Variants in MESD observed in about 807,000 individuals in gnomAD.
The protein encoded by MESD is LRP chaperone MESD.
A neutral mutation model predicts 12.9 loss-of-function variants in MESD; 7 were observed. That is an observed-to-expected ratio of 0.54 (90% CI 0.31 to 1.02). The LOEUF (loss-of-function observed/expected upper bound fraction) is 1.02, where lower values mean the gene tolerates loss of function less well. MESD is among the 50% of genes least tolerant of loss of function. The pLI, the probability that MESD is intolerant of heterozygous loss-of-function variation, is 0.05. For synonymous variants in MESD, 126 were observed against 115.6 expected (o/e 1.09, Z -0.58); for missense variants, 342 against 296.7 (o/e 1.15, Z -1.12).
rs1458016428 is a variant in MESD, at chr15:80,978,598, C to T, written c.*621G>A. 2 of 152,260 alleles carry T rather than the reference C, an allele frequency of 1.3e-5. No homozygotes were observed. Among genetic ancestry groups the T allele is most frequent in the African/African-American group, 4.8e-5 (2 of 41,406 alleles). The allele number at this position is 152,260 out of a possible 1,614,324, so 9.4% of individuals were successfully genotyped here. A position where few individuals can be genotyped will look rare whatever the true frequency, so the allele number is the denominator to read the frequency against. On this transcript the variant is annotated 3_prime_UTR_variant, in exon 3 of 3. Transcript: ENST00000261758. ...TACAGACCACATAAAACCTGACAGA[C>T]ACCAAGAGTTCTCTTACTGATGAGT...
At chr15:80,955,487 C>CAAA (rs1169755665) in intron 3 of MESD, among the ~76,000 whole-genome samples, 10 of 45,630 alleles carry the variant, frequency 2.2e-4, no homozygotes, top group Middle Eastern at 0.012. Flanking sequence ...GACTCCGTCT[C>CAAA]AAAAAAAAAA....
intron 1 of MESD, among the ~76,000 whole-genome samples, chr15:80,987,966 A>G (rs1567127913): frequency 6.6e-6 from 1 of 152,240 alleles, no homozygotes; most frequent in East Asian, 1.9e-4. Flanking sequence ...TCTATAAAAA[A>G]TAATTTAAAA....
At chr15:80,956,596 G>C (rs1482872829) in intron 3 of MESD, among the ~76,000 whole-genome samples, 2 of 152,140 alleles carry the variant, frequency 1.3e-5, no homozygotes, top group Non-Finnish European at 2.9e-5. Context: ...GGAAAAAAAA[G>C]CCAGCAGCCA....
chr15:80,946,842 C>A, downstream of MESD: 1 of 725,004 alleles, frequency 1.4e-6, no homozygotes. Flanking sequence ...TTCCCGAATC[C>A]CTGGACAGGC....
Position 80,947,356 on chromosome 15 carries a change from A to G in MESD, c.*2169T>C, listed in dbSNP as rs548647902. The G allele has an allele frequency of 1.3e-4, 52 of 406,002 alleles. 1 individual carries two copies. Among genetic ancestry groups the G allele is most frequent in the South Asian group, 1.3e-3 (51 of 40,638 alleles). The allele number at this position is 406,002 out of a possible 1,614,324, so 25.1% of individuals were successfully genotyped here. ...TTGGAAAGTGGCCCTTTATTCAACA[A>G]AAGTATCATAAGAAAAGTGGCTTAG... On this transcript the variant is annotated 3_prime_UTR_variant, in exon 5 of 5. Coordinates refer to the MESD transcript ENST00000561312.
chr15:80,953,290 T>C (rs1901889439), intron 3 of MESD, among the ~76,000 whole-genome samples: 1 of 152,118 alleles, frequency 6.6e-6, no homozygotes, highest in African/African-American at 2.4e-5. Flanking sequence ...CACAGCCCAC[T>C]GATTCAGTAG....
intron 4 of MESD, chr15:80,950,134 G>A (rs1217894872): frequency 6.6e-6 from 1 of 152,242 alleles, no homozygotes; most frequent in Non-Finnish European, 1.5e-5. Context: ...AGCACAGGGG[G>A]CCTCCAGGAG....
downstream of MESD, among the ~76,000 whole-genome samples, chr15:80,975,067 C>A (rs1322267211): frequency 6.6e-6 from 1 of 151,870 alleles, no homozygotes; most frequent in Non-Finnish European, 1.5e-5. Flanking sequence ...CACACCTCTC[C>A]AGTGGAGCCA....
chr15:80,975,479 C>T (rs1400457616), downstream of MESD, among the ~76,000 whole-genome samples: 3 of 152,086 alleles, frequency 2.0e-5, no homozygotes, highest in Non-Finnish European at 4.4e-5. Flanking sequence ...AGCATAAAGG[C>T]GGACACTGTG....
At chr15:80,989,540 C>T (rs1444585909) in intron 1 of MESD, 39 bp downstream of exon 1, 2 of 1,596,324 alleles carry the variant, frequency 1.3e-6, no homozygotes, top group Admixed American at 3.4e-5. Flanking sequence ...CAGGGTCCCG[C>T]ACAGAGAAGA....
chr15:80,946,861 A>G, downstream of MESD: 1 of 763,138 alleles, frequency 1.3e-6, no homozygotes, highest in South Asian at 1.5e-5. Context: ...GCCTCTGGGC[A>G]CTGCTAACTC....
intron 2 of MESD, among the ~76,000 whole-genome samples, chr15:80,981,436 C>CAA (rs58445538): frequency 4.8e-4 from 23 of 48,298 alleles, no homozygotes; most frequent in Admixed American, 1.0e-3. Context: ...GACTCCGTCT[C>CAA]AAAAAAAAAA....
chr15:80,970,087 A>G (rs1442189949), intron 3 of MESD, among the ~76,000 whole-genome samples: 3 of 152,238 alleles, frequency 2.0e-5, no homozygotes, highest in Non-Finnish European at 1.5e-5. Flanking sequence ...AGGTGTATGC[A>G]GATTTTCACA....
At chr15:80,972,673 G>A (rs1902313543), downstream of MESD, among the ~76,000 whole-genome samples, 4 of 152,294 alleles carry the variant, frequency 2.6e-5, 1 homozygote, top group South Asian at 6.2e-4. Flanking sequence ...GCAAGAGGAC[G>A]GGAATATTAC....
intron 3 of MESD, among the ~76,000 whole-genome samples, chr15:80,956,323 G>A (rs188345596): frequency 0.049 from 7,523 of 152,268 alleles, 228 homozygotes; most frequent in Middle Eastern, 0.18. Context: ...CTAAGAATCG[G>A]AAGGCGTCCA....
At chr15:80,954,419 C>G (rs966705460) in intron 3 of MESD, among the ~76,000 whole-genome samples, 2 of 152,238 alleles carry the variant, frequency 1.3e-5, no homozygotes, top group African/African-American at 2.4e-5. Flanking sequence ...CCTTTGACCC[C>G]ATCCTAGCTG....
At chr15:80,974,076 G>A (rs1902352039), downstream of MESD, among the ~76,000 whole-genome samples, 2 of 152,208 alleles carry the variant, frequency 1.3e-5, no homozygotes, top group East Asian at 1.9e-4. Flanking sequence ...CCCCCACTGG[G>A]GAGAAGAACC....
chr15:80,979,136 C>A lies in MESD; in HGVS notation c.*83G>T. On this transcript the variant is annotated 3_prime_UTR_variant, in exon 3 of 3. Coordinates refer to ENST00000261758, the MANE Select transcript of MESD (RefSeq NM_015154.3). ...TAGAATGTCATCCGGTGTGCAGTTG[C>A]CTGAGACCACTCCCACCCCAGGAGC... 1 of 1,533,256 alleles carries A rather than the reference C, an allele frequency of 6.5e-7. No individual in the cohort carries two copies. Among genetic ancestry groups the A allele is most frequent in the Non-Finnish European group, 8.8e-7 (1 of 1,140,052 alleles). 95.0% of individuals were successfully genotyped at this position (1,533,256 alleles called of 1,614,324 possible).
intron 4 of MESD, chr15:80,950,965 C>G (rs1901793865): frequency 6.5e-6 from 1 of 152,696 alleles, no homozygotes; most frequent in African/African-American, 2.4e-5. Context: ...TGGGAGCCAA[C>G]TGTCAGGGAG....
Sources: gnomAD v4.1 joint callset for allele counts (sites outside exome capture counted in the v4.1 genomes callset) on GRCh38, gnomAD v4.1.1 for gene constraint, MANE v1.5 for transcripts, NCBI Gene and HGNC (gene_info 2026-07-23, HGNC 2026-07-21) for gene names.